The following CAMK1D variants were observed in gnomAD, a reference collection of about 807,000 sequenced individuals.
The protein encoded by CAMK1D is calcium/calmodulin dependent protein kinase ID.
Under a neutral mutation model 47.7 loss-of-function variants are expected in CAMK1D, and 9 were observed. That is an observed-to-expected ratio of 0.19 (90% CI 0.11 to 0.33). CAMK1D has a LOEUF of 0.33. Among genes scored for constraint, CAMK1D ranks in the 10% least tolerant of loss-of-function variants. The pLI is 1.00. For synonymous variants in CAMK1D, 184 were observed against 184.9 expected (o/e 0.99, Z 0.04); for missense variants, 291 against 488.7 (o/e 0.60, Z 3.81).
chr10:12,473,610 A>G lies in CAMK1D; in HGVS notation c.93-79615A>G, dbSNP rs1042663241. On this transcript the variant is annotated intron_variant, in intron 1 of 10. Coordinates refer to ENST00000619168, the MANE Select transcript of CAMK1D (RefSeq NM_153498.4). ...AAGAACTGAGGCCAGAGAGGCTGAG[A>G]TTTGTTGAGGTCACCTGGCAGCAGG... 4.6e-5 allele frequency among the ~76,000 whole-genome samples: 7 copies of G among 152,174 alleles called. No homozygotes were observed. The East Asian group carries it at 1.4e-3, about 29-fold the overall frequency.
chr10:12,763,874 T>C (rs1328060510), intron 4 of CAMK1D, among the ~76,000 whole-genome samples: 4 of 152,184 alleles, frequency 2.6e-5, no homozygotes, highest in African/African-American at 9.7e-5. Context: ...ACTTAATTTT[T>C]CCAGTGAGTC....
chr10:12,528,945 T>C (rs920521005), intron 1 of CAMK1D, among the ~76,000 whole-genome samples: 2 of 150,892 alleles, frequency 1.3e-5, no homozygotes, highest in African/African-American at 5.0e-5. Context: ...TCTCACCTTG[T>C]TGCCCAGGCT....
chr10:12,693,084 C>T (rs998665350), intron 3 of CAMK1D, among the ~76,000 whole-genome samples: 1 of 152,176 alleles, frequency 6.6e-6, no homozygotes, highest in Non-Finnish European at 1.5e-5. Flanking sequence ...CAAAGACTAG[C>T]TGGGCTTGGT....
intron 1 of CAMK1D, among the ~76,000 whole-genome samples, chr10:12,387,147 T>C (rs1838520645): frequency 6.7e-6 from 1 of 148,332 alleles, no homozygotes; most frequent in Non-Finnish European, 1.5e-5. Context: ...GATGTTGCAG[T>C]GAGCTGAGAT....
chr10:12,693,171 C>T (rs1832999962), intron 3 of CAMK1D, among the ~76,000 whole-genome samples: 1 of 152,088 alleles, frequency 6.6e-6, no homozygotes, highest in African/African-American at 2.4e-5. Context: ...CAAGACTAGC[C>T]TGGCCAACAT....
intron 1 of CAMK1D, among the ~76,000 whole-genome samples, chr10:12,473,724 A>G (rs1839379607): frequency 6.6e-6 from 1 of 151,898 alleles, no homozygotes; most frequent in East Asian, 1.9e-4. Context: ...CTGCTCTCAC[A>G]CTCTAGAGTT....
At chr10:12,354,862 G>A (rs1453572418) in intron 1 of CAMK1D, among the ~76,000 whole-genome samples, 13 of 122,720 alleles carry the variant, frequency 1.1e-4, no homozygotes, top group African/African-American at 3.5e-4. Context: ...TTTTTTTTGA[G>A]ACAGAGCCTT....
intron 1 of CAMK1D, among the ~76,000 whole-genome samples, chr10:12,503,112 A>G (rs773409162): frequency 4.9e-4 from 75 of 152,276 alleles, no homozygotes; most frequent in South Asian, 2.1e-4. Flanking sequence ...GCATGTACCT[A>G]CGTGTGTACA....
Position 12,387,448 on chromosome 10 carries a change from TA to T in CAMK1D, c.92+37539del, listed in dbSNP as rs1564307267. 1.2e-4 allele frequency among the ~76,000 whole-genome samples: 10 copies of T among 83,968 alleles called. 1 individual carries two copies. Among genetic ancestry groups the T allele is most frequent in the African/African-American group, 8.0e-4 (10 of 12,472 alleles). The allele number at this position is 83,968 out of a possible 152,430, so 55.1% of individuals were successfully genotyped here. A position where few individuals can be genotyped will look rare whatever the true frequency, so the allele number is the denominator to read the frequency against. ...TATTTTATATATTATATATATTTTA[TA>T]TATATATATATATATAGACATTGTA... On this transcript the variant is annotated intron_variant, in intron 1 of 10. Coordinates refer to ENST00000619168, the MANE Select transcript of CAMK1D (RefSeq NM_153498.4).
At chr10:12,600,677 G>C (rs1344604374) in intron 2 of CAMK1D, among the ~76,000 whole-genome samples, 1 of 152,148 alleles carries the variant, frequency 6.6e-6, no homozygotes, top group Non-Finnish European at 1.5e-5. Flanking sequence ...TTGTTACATG[G>C]ATCTATTGCG....
At chr10:12,597,836 C>T (rs1838189758) in intron 2 of CAMK1D, among the ~76,000 whole-genome samples, 1 of 152,198 alleles carries the variant, frequency 6.6e-6, no homozygotes, top group Non-Finnish European at 1.5e-5. Flanking sequence ...TATGCTCTCA[C>T]TGGATCTCTG....
intron 2 of CAMK1D, among the ~76,000 whole-genome samples, chr10:12,593,246 C>T (rs958016726): frequency 7.9e-5 from 12 of 152,160 alleles, no homozygotes; most frequent in Admixed American, 1.3e-4. Flanking sequence ...TTTTTCTGCA[C>T]AGTATGATTA....
At chr10:12,477,833 AC>A (rs1338791570) in intron 1 of CAMK1D, among the ~76,000 whole-genome samples, 3 of 151,900 alleles carry the variant, frequency 2.0e-5, no homozygotes, top group African/African-American at 7.3e-5. Context: ...AGCCTTCGTG[AC>A]CTCTGCCATC....
intron 1 of CAMK1D, among the ~76,000 whole-genome samples, chr10:12,430,738 A>G (rs1393844990): frequency 6.6e-6 from 1 of 151,344 alleles, no homozygotes; most frequent in Non-Finnish European, 1.5e-5. Context: ...CATACATGTG[A>G]TGATGATGAT....
chr10:12,481,031 T>C (rs1444502591), intron 1 of CAMK1D, among the ~76,000 whole-genome samples: 1 of 152,164 alleles, frequency 6.6e-6, no homozygotes, highest in Non-Finnish European at 1.5e-5. Flanking sequence ...TAATAGCCTT[T>C]CCCCCAAACT....
chr10:12,351,384 T>C lies in CAMK1D; in HGVS notation c.92+1474T>C, dbSNP rs555830430. ...GGTCAAAACTTTTGAAAATTGCCAC[T>C]GAGGTTTATTCGGGTTTGGGGTTGT... On this transcript the variant is annotated intron_variant, in intron 1 of 10. Transcript: ENST00000619168. Among the ~76,000 whole-genome samples, 37 of 152,280 alleles carry C rather than the reference T, an allele frequency of 2.4e-4. No individual in the cohort carries two copies. The South Asian group carries it at 7.5e-3, about 31-fold the overall frequency.
chr10:12,607,164 C>T (rs765449367), intron 2 of CAMK1D, among the ~76,000 whole-genome samples: 2 of 152,164 alleles, frequency 1.3e-5, no homozygotes, highest in Admixed American at 6.5e-5. Context: ...CCATCTCTCT[C>T]GTCCATACGT....
chr10:12,401,152 A>T (rs12766797), intron 1 of CAMK1D, among the ~76,000 whole-genome samples: 3 of 44,290 alleles, frequency 6.8e-5, no homozygotes, highest in African/African-American at 3.4e-4. Flanking sequence ...TATATATTTT[A>T]TATATATATA....
chr10:12,512,434 C>T (rs1009535982), intron 1 of CAMK1D, among the ~76,000 whole-genome samples: 3 of 152,272 alleles, frequency 2.0e-5, no homozygotes, highest in East Asian at 3.9e-4. Context: ...CCTGCTCTGT[C>T]GCCCAGGCTG....
Sources: gnomAD v4.1 joint callset for allele counts (sites outside exome capture counted in the v4.1 genomes callset) on GRCh38, gnomAD v4.1.1 for gene constraint, MANE v1.5 for transcripts, NCBI Gene and HGNC (gene_info 2026-07-23, HGNC 2026-07-21) for gene names.